The following ACACA variants were observed in gnomAD, a reference collection of about 807,000 sequenced individuals.
The protein encoded by ACACA is acetyl-CoA carboxylase 1.
In ACACA, 103 loss-of-function variants were observed where a neutral mutation model predicts 296.1. The ratio of observed to expected loss-of-function variants is 0.35; its 90% CI spans 0.30 to 0.41. ACACA has a LOEUF of 0.41. Among genes scored for constraint, ACACA ranks in the 10% least tolerant of loss-of-function variants. The probability of loss-of-function intolerance (pLI) is 1.00; values close to 1 mark genes in which losing one functional copy is unlikely to be tolerated. For synonymous variants in ACACA, 953 were observed against 1,038.6 expected (o/e 0.92, Z 1.58); for missense variants, 1,554 against 2,989.7 (o/e 0.52, Z 11.20).
At chr17:37,180,396 G>A (rs1200560699) in intron 40 of ACACA, among the ~76,000 whole-genome samples, 3 of 152,054 alleles carry the variant, frequency 2.0e-5, no homozygotes, top group Non-Finnish European at 2.9e-5. Flanking sequence ...TATTTACTAC[G>A]GCTACATATA....
At chr17:37,314,413 T>A (rs2046987701) in intron 3 of ACACA, among the ~76,000 whole-genome samples, 1 of 152,196 alleles carries the variant, frequency 6.6e-6, no homozygotes, top group South Asian at 2.1e-4. Flanking sequence ...TACTATATAT[T>A]CTTGTGCAAG....
intron 45 of ACACA, among the ~76,000 whole-genome samples, chr17:37,139,589 T>C (rs114418713): frequency 0.023 from 3,538 of 152,286 alleles, 129 homozygotes; most frequent in African/African-American, 0.08. Context: ...TCTACAAATA[T>C]AGCAGTCAAA....
At chr17:37,139,235 G>C (rs1030410691) in intron 45 of ACACA, among the ~76,000 whole-genome samples, 1 of 152,200 alleles carries the variant, frequency 6.6e-6, no homozygotes, top group African/African-American at 2.4e-5. Context: ...CGTGTGTACA[G>C]AGCTAAGTGG....
chr17:37,194,935 C>G (rs956619315), intron 35 of ACACA, among the ~76,000 whole-genome samples: 1 of 149,966 alleles, frequency 6.7e-6, no homozygotes, highest in Non-Finnish European at 1.5e-5. Context: ...TCTCTGACAC[C>G]CCCCCCACCC....
Position 37,253,132 on chromosome 17 carries a change from C to T in ACACA, c.1827-96G>A. 3.2e-6 allele frequency: 5 copies of T among 1,564,354 alleles called. No individual in the cohort carries two copies. The Admixed American group carries it at 8.3e-5, about 26-fold the overall frequency. On this transcript the variant is annotated intron_variant, in intron 14 of 55. Coordinates refer to ENST00000616317, the MANE Select transcript of ACACA (RefSeq NM_198834.3). ...TTTGGCCAGGCATGGTGGCTCACGCCTGTAATCCTAACACTTTGGGAGGCC... is the reference window on the plus strand; with the variant it reads ...TTTGGCCAGGCATGGTGGCTCACGCTTGTAATCCTAACACTTTGGGAGGCC...
rs556562360 is a variant in ACACA at position 37,113,554 on chromosome 17, C to T, written c.6275-289G>A. 2.6e-5 allele frequency among the ~76,000 whole-genome samples: 4 copies of T among 152,304 alleles called. No homozygotes were observed. Among genetic ancestry groups the T allele is most frequent in the Admixed American group, 6.5e-5 (1 of 15,302 alleles). On this transcript the variant is annotated intron_variant, in intron 50 of 55. Coordinates refer to ENST00000616317, the MANE Select transcript of ACACA (RefSeq NM_198834.3). This position sits in a 1 kb window ranked among gnomAD's most constrained non-coding sequence, Gnocchi z 4.0. ...TATCCTCTCTGAATTTCTGTACTCA[C>T]GTTTCACCACATTAATTCACATTTG...
chr17:37,322,642 G>A (rs2147136328), intron 3 of ACACA, among the ~76,000 whole-genome samples: 1 of 152,222 alleles, frequency 6.6e-6, no homozygotes, highest in South Asian at 2.1e-4. Flanking sequence ...GACCACAGCA[G>A]GCACAGACAC....
chr17:37,318,478 A>G (rs1010359712), intron 3 of ACACA, among the ~76,000 whole-genome samples: 1 of 152,090 alleles, frequency 6.6e-6, no homozygotes, highest in Non-Finnish European at 1.5e-5. Context: ...TCACCTCAGG[A>G]GATCCACCTG....
intron 1 of ACACA, among the ~76,000 whole-genome samples, chr17:37,364,809 T>C (rs2049549371): frequency 6.6e-6 from 1 of 152,130 alleles, no homozygotes; most frequent in Admixed American, 6.6e-5. Context: ...TTCTTATCCT[T>C]ATACCTTTGT....
intron 3 of ACACA, among the ~76,000 whole-genome samples, chr17:37,320,598 A>G (rs2047309711): frequency 6.6e-6 from 1 of 152,046 alleles, no homozygotes; most frequent in Non-Finnish European, 1.5e-5. Flanking sequence ...TCAATACCCA[A>G]GCTGGCCACC....
intron 45 of ACACA, among the ~76,000 whole-genome samples, chr17:37,148,634 A>G (rs2075913421): frequency 6.6e-6 from 1 of 152,238 alleles, no homozygotes; most frequent in Admixed American, 6.5e-5. Flanking sequence ...ACAATTTAGT[A>G]TGTGTATTAA....
chr17:37,242,678 C>T (rs938814984), intron 22 of ACACA, among the ~76,000 whole-genome samples: 6 of 152,222 alleles, frequency 3.9e-5, no homozygotes, highest in Admixed American at 2.6e-4. Flanking sequence ...CTACAGCGAG[C>T]CATGACCGCA....
At chr17:37,177,260 T>C (rs1317678229) in intron 41 of ACACA, among the ~76,000 whole-genome samples, 1 of 131,134 alleles carries the variant, frequency 7.6e-6, no homozygotes, top group African/African-American at 3.2e-5. Flanking sequence ...CTTTAATTTT[T>C]AAAAAATTCG....
At chr17:37,134,882 G>T (rs1273467506) in intron 45 of ACACA, among the ~76,000 whole-genome samples, 1 of 152,054 alleles carries the variant, frequency 6.6e-6, no homozygotes, top group Non-Finnish European at 1.5e-5. Context: ...AGTCACTCTG[G>T]GATCTGTCAG....
chr17:37,224,628 T>TA (rs2079452698), intron 27 of ACACA, among the ~76,000 whole-genome samples: 1 of 152,072 alleles, frequency 6.6e-6, no homozygotes, highest in Admixed American at 6.6e-5. Context: ...TCAAATATCA[T>TA]AAATCATCAG....
chr17:37,137,144 G>C (rs1363139660), intron 45 of ACACA, among the ~76,000 whole-genome samples: 2 of 152,060 alleles, frequency 1.3e-5, no homozygotes, highest in African/African-American at 4.8e-5. Flanking sequence ...TTTTCTTACT[G>C]AGTTTGAGAA....
In ACACA at chr17:37,244,754, A is replaced by T. The variant is rs777659764; in HGVS notation, c.2596-20T>A. On this transcript the variant is annotated intron_variant, in intron 20 of 55. Coordinates refer to ENST00000616317, the MANE Select transcript of ACACA (RefSeq NM_198834.3). ...TTCAGCCTGTCAACCCCAACAAGAG[A>T]TCAAGTCATCTACTACTTTTGATCT... The T allele has an allele frequency of 1.2e-6, 2 of 1,614,118 alleles. No homozygotes were observed. Among genetic ancestry groups the T allele is most frequent in the Non-Finnish European group, 1.7e-6 (2 of 1,180,000 alleles).
At chr17:37,257,655 T>A (rs1356526922) in intron 14 of ACACA, 48 bp downstream of exon 14, 2 of 1,592,112 alleles carry the variant, frequency 1.3e-6, no homozygotes, top group African/African-American at 2.7e-5. Context: ...CACTTAAGAT[T>A]AGCACAAATT....
At chr17:37,115,058 C>T (rs1037718709) in intron 50 of ACACA, among the ~76,000 whole-genome samples, 1 of 152,192 alleles carries the variant, frequency 6.6e-6, no homozygotes. Flanking sequence ...TTCAGAAATT[C>T]CAAGTTACCC....
Sources: gnomAD v4.1 joint callset for allele counts (sites outside exome capture counted in the v4.1 genomes callset) on GRCh38, gnomAD v4.1.1 for gene constraint, Gnocchi (gnomAD v3.1) non-coding constraint, MANE v1.5 for transcripts, NCBI Gene and HGNC (gene_info 2026-07-23, HGNC 2026-07-21) for gene names.